PTPN4: variants seen among roughly 807,000 people sequenced by gnomAD.
The protein encoded by PTPN4 is protein tyrosine phosphatase non-receptor type 4.
PTPN4 carries 49 observed loss-of-function variants against 135.5 expected under a neutral mutation model. That is an observed-to-expected ratio of 0.36 (90% CI 0.29 to 0.46). PTPN4 has a LOEUF of 0.46. Among genes scored for constraint, PTPN4 ranks in the 20% least tolerant of loss-of-function variants. The pLI is 1.00. For missense variants in PTPN4, 860 were observed against 1,101.0 expected, an observed-to-expected ratio of 0.78 and a Z score of 3.10; for synonymous variants, 333 against 369.9, an observed-to-expected ratio of 0.90 and a Z score of 1.14.
intron 1 of PTPN4, chr2:119,791,169 G>C (rs138421628): frequency 7.2e-6 from 1 of 138,894 alleles, no homozygotes; most frequent in Admixed American, 7.7e-5. Flanking sequence ...TTGCTGTGTC[G>C]TCTGGGTTGG....
At chr2:119,776,958 A>G (rs1690848357) in intron 1 of PTPN4, among the ~76,000 whole-genome samples, 1 of 152,190 alleles carries the variant, frequency 6.6e-6, no homozygotes, top group Admixed American at 6.6e-5. Flanking sequence ...GGTCAACTGT[A>G]TTTATATGGT....
chr2:119,913,293 C>A (rs1053388131), intron 10 of PTPN4, among the ~76,000 whole-genome samples: 1 of 152,126 alleles, frequency 6.6e-6, no homozygotes, highest in African/African-American at 2.4e-5. Context: ...TACGTTCCCA[C>A]CAGCATTGCA....
In PTPN4 at chr2:119,914,248, A is replaced by ATTTTTTTTTTTTTTTTTTTT. The variant is rs55911315; in HGVS notation, c.765-922_765-903dup. On this transcript the variant is annotated intron_variant, in intron 10 of 26. Transcript: ENST00000263708. Reference sequence around the variant, plus strand: ...CATAAATACAGTCAATAGTTACTCAATTTTTTTTTTTTTTTTTTTTTTTTT... The same window carrying ATTTTTTTTTTTTTTTTTTTT: ...CATAAATACAGTCAATAGTTACTCAATTTTTTTTTTTTTTTTTTTTTTTTTTTTTTTTTTTTTTTTTTTTT... Among the ~76,000 whole-genome samples the ATTTTTTTTTTTTTTTTTTTT allele has an allele frequency of 2.7e-4, 26 of 97,426 alleles. 5 individuals carry two copies. The highest frequency in any genetic ancestry group is 1.5e-3 in the African/African-American group (25 of 17,066). The allele number at this position is 97,426 out of a possible 152,430, so 63.9% of individuals were successfully genotyped here. A position where few individuals can be genotyped will look rare whatever the true frequency, so the allele number is the denominator to read the frequency against.
intron 18 of PTPN4, among the ~76,000 whole-genome samples, chr2:119,950,412 T>A (rs1679195957): frequency 6.6e-6 from 1 of 152,228 alleles, no homozygotes; most frequent in East Asian, 1.9e-4. Flanking sequence ...AAGCTTTGGG[T>A]TGAATTATCT....
intron 3 of PTPN4, among the ~76,000 whole-genome samples, chr2:119,875,888 G>T (rs973932147): frequency 1.6e-4 from 24 of 152,140 alleles, no homozygotes; most frequent in African/African-American, 5.3e-4. Context: ...CTTAATTGAG[G>T]TAATGTAATG....
At chr2:119,935,095 A>G (rs1678962696) in intron 15 of PTPN4, 137 bp downstream of exon 15, 6 of 1,028,352 alleles carry the variant, frequency 5.8e-6, no homozygotes, top group Non-Finnish European at 8.3e-6. Context: ...GTTTGCAATT[A>G]TGCTCATTTG....
At chr2:119,904,672 A>G (rs920094700) in intron 10 of PTPN4, among the ~76,000 whole-genome samples, 3 of 152,232 alleles carry the variant, frequency 2.0e-5, no homozygotes, top group East Asian at 1.9e-4. Flanking sequence ...CACATAAGGG[A>G]ATCTCCATCA....
intron 3 of PTPN4, among the ~76,000 whole-genome samples, chr2:119,869,716 TTCC>T (rs1677882063): frequency 6.6e-6 from 1 of 152,314 alleles, no homozygotes; most frequent in East Asian, 1.9e-4. Flanking sequence ...AGAGTAGACT[TTCC>T]TCCTCTTTCT....
chr2:119,803,935 A>G (rs1360951646), intron 1 of PTPN4, among the ~76,000 whole-genome samples: 3 of 150,572 alleles, frequency 2.0e-5, no homozygotes, highest in Admixed American at 2.0e-4. Flanking sequence ...TCCCAAGTCT[A>G]CTTTATCTGA....
At position 119,900,764 on chromosome 2, in the gene PTPN4, T is replaced by C; in HGVS notation, c.722T>C (p.Ile241Thr). The change falls in exon 10 of 27, where the codon ATT becomes ACT. Residue 241 changes from isoleucine (I) to threonine (T), a missense_variant. Around this residue, in one of 2 missense-constraint regions of PTPN4, gnomAD observed 684 missense variants for 807.0 expected, o/e 0.85. Transcript: ENST00000263708. Reference sequence around the variant, plus strand: ...ATGATTGGAGTGATGTCAGGAGGAATTCTGATTTATAAGAACAGGGTACGA... The same window carrying C: ...ATGATTGGAGTGATGTCAGGAGGAACTCTGATTTATAAGAACAGGGTACGA... ...EIMIGVMSGG[I>T]LIYKNRVRMN... is the part of the protein sequence containing the mutation. 1.9e-6 allele frequency: 3 copies of C among 1,588,956 alleles called. No homozygotes were observed. Among genetic ancestry groups the C allele is most frequent in the Non-Finnish European group, 2.6e-6 (3 of 1,167,286 alleles).
At chr2:119,930,174 A>C (rs952386151) in intron 13 of PTPN4, among the ~76,000 whole-genome samples, 1 of 152,162 alleles carries the variant, frequency 6.6e-6, no homozygotes, top group African/African-American at 2.4e-5. Flanking sequence ...AACCTGTGAT[A>C]ATGGGAAATG....
intron 3 of PTPN4, among the ~76,000 whole-genome samples, chr2:119,864,086 A>C (rs2104988951): frequency 6.6e-6 from 1 of 152,272 alleles, no homozygotes; most frequent in Middle Eastern, 3.4e-3. Flanking sequence ...GTTTTTAAAG[A>C]ATAAAGAGGA....
chr2:119,925,289 A>G (rs1417625145), intron 12 of PTPN4, among the ~76,000 whole-genome samples: 3 of 152,170 alleles, frequency 2.0e-5, no homozygotes, highest in African/African-American at 7.2e-5. Flanking sequence ...AAGGCAAAAT[A>G]ATCTAGAAAA....
At position 119,982,255 on chromosome 2, in the gene PTPN4, G is replaced by A. The variant is rs546712755; in HGVS notation, c.*5185G>A. On this transcript the variant is annotated 3_prime_UTR_variant, in exon 27 of 27. Transcript: ENST00000263708. The stretch of plus-strand genomic sequence containing the variant: ...AGAAAATATTTTTCTATGGACAGAA[G>A]GTTGAAACTGTTAACTTCTTTAATT... 2 of 152,198 alleles carry A rather than the reference G, an allele frequency of 1.3e-5. No homozygotes were observed. The highest frequency in any genetic ancestry group is 4.8e-5 in the African/African-American group (2 of 41,542). 9.4% of individuals were successfully genotyped at this position (152,198 alleles called of 1,614,324 possible). A position where few individuals can be genotyped will look rare whatever the true frequency, so the allele number is the denominator to read the frequency against.
intron 1 of PTPN4, among the ~76,000 whole-genome samples, chr2:119,809,364 TG>T (rs1028079208): frequency 4.6e-5 from 7 of 151,846 alleles, no homozygotes; most frequent in Non-Finnish European, 1.0e-4. Context: ...AATGAAGGGT[TG>T]TTTTTTTTTT....
intron 10 of PTPN4, among the ~76,000 whole-genome samples, chr2:119,914,248 ATTTTT>A (rs55911315): frequency 3.1e-5 from 3 of 97,432 alleles, no homozygotes; most frequent in African/African-American, 1.2e-4. Flanking sequence ...TAGTTACTCA[ATTTTT>A]TTTTTTTTTT....
intron 10 of PTPN4, among the ~76,000 whole-genome samples, chr2:119,910,273 A>G (rs1217252113): frequency 6.6e-6 from 1 of 152,144 alleles, no homozygotes; most frequent in Non-Finnish European, 1.5e-5. Flanking sequence ...TTTTCATTAT[A>G]GTATATCGAA....
At chr2:119,795,906 A>ATGGGGGCAAGGTGCAGGTGGCAC (rs561236509) in intron 1 of PTPN4, among the ~76,000 whole-genome samples, 374 of 152,304 alleles carry the variant, frequency 2.5e-3, no homozygotes, top group Middle Eastern at 0.014. Flanking sequence ...GAGGGGAGGC[A>ATGGGGGCAAGGTGCAGGTGGCAC]TGGGGGCAAG....
intron 20 of PTPN4, 133 bp downstream of exon 20, chr2:119,955,456 G>T (rs1679266348): frequency 2.4e-6 from 2 of 819,366 alleles, no homozygotes; most frequent in Non-Finnish European, 3.3e-6. Flanking sequence ...TTGACATAAA[G>T]AGTTCTAAAA....
Sources: allele counts gnomAD v4.1 joint callset (sites outside exome capture counted in the v4.1 genomes callset), GRCh38; gene constraint gnomAD v4.1.1; regional missense constraint gnomAD v4.1.1; transcripts MANE v1.5; gene names NCBI Gene and HGNC (gene_info 2026-07-23, HGNC 2026-07-21).